The following MRTFB variants were observed in gnomAD, a reference collection of about 807,000 sequenced individuals.
MRTFB encodes the protein myocardin related transcription factor B.
MRTFB carries 29 observed loss-of-function variants against 104.2 expected under a neutral mutation model. The ratio of observed to expected loss-of-function variants is 0.28; its 90% CI spans 0.21 to 0.38. The LOEUF (loss-of-function observed/expected upper bound fraction) is 0.38. Ranked by LOEUF, MRTFB falls within the 10% of genes least tolerant of loss-of-function variation. MRTFB has a pLI of 1.00. For missense variants in MRTFB, 1,270 were observed against 1,341.6 expected (o/e 0.95, Z 0.83); for synonymous variants, 535 against 519.5 (o/e 1.03, Z -0.41).
chr16:14,130,268 G>T lies in MRTFB; in HGVS notation c.-63-10276G>T, dbSNP rs117417765. Among the ~76,000 whole-genome samples, 1,143 of 152,238 alleles carry T rather than the reference G, an allele frequency of 7.5e-3. 8 individuals carry two copies. The highest frequency in any genetic ancestry group is 0.012 in the Non-Finnish European group (816 of 68,000). ...CAGAATCCTTTGTTCTTACTAAGGG[G>T]TCAGTAGTTTTGTCTAAAATAAACA... is the stretch of plus-strand genomic sequence containing the variant. On this transcript the variant is annotated intron_variant, in intron 2 of 16. Coordinates refer to ENST00000571589, the MANE Select transcript of MRTFB (RefSeq NM_001308142.2).
At chr16:14,188,696 A>G (rs928764150) in intron 3 of MRTFB, among the ~76,000 whole-genome samples, 17 of 152,318 alleles carry the variant, frequency 1.1e-4, no homozygotes, top group African/African-American at 4.1e-4. Context: ...GATCCTGGAC[A>G]AGCTTACTCC....
At chr16:14,118,613 G>C (rs2036669373) in intron 2 of MRTFB, among the ~76,000 whole-genome samples, 2 of 151,548 alleles carry the variant, frequency 1.3e-5, no homozygotes, top group Non-Finnish European at 2.9e-5. Flanking sequence ...ACCGGTCTGG[G>C]CAACATGGCC....
chr16:14,118,762 T>C (rs1387660531), intron 2 of MRTFB, among the ~76,000 whole-genome samples: 1 of 151,850 alleles, frequency 6.6e-6, no homozygotes, highest in East Asian at 1.9e-4. Context: ...CACACACATA[T>C]ATATATAAAC....
At position 14,159,802 on chromosome 16, in the gene MRTFB, C is replaced by T. The variant is rs372695133; in HGVS notation, c.154+19042C>T. ...AAAATTAGCCGGGCGTAGTGGCGGGCGCCTGTAGTCCCAGCTACTCGGGAG... is the reference window on the plus strand; with the variant it reads ...AAAATTAGCCGGGCGTAGTGGCGGGTGCCTGTAGTCCCAGCTACTCGGGAG... On this transcript the variant is annotated intron_variant, in intron 3 of 16. Coordinates refer to ENST00000571589, the MANE Select transcript of MRTFB (RefSeq NM_001308142.2). Among the ~76,000 whole-genome samples, 255 of 149,498 alleles carry T rather than the reference C, an allele frequency of 1.7e-3. 1 individual carries two copies. In the East Asian group the frequency reaches 0.039, roughly 23 times the overall value.
chr16:14,193,955 A>G (rs2040313093), intron 3 of MRTFB, among the ~76,000 whole-genome samples: 1 of 152,192 alleles, frequency 6.6e-6, no homozygotes, highest in South Asian at 2.1e-4. Flanking sequence ...TCAGAGTATT[A>G]AATGCATTTT....
chr16:14,048,533 G>A, the MRTFB span, among the ~76,000 whole-genome samples: 17 of 152,256 alleles, frequency 1.1e-4, 1 homozygote, highest in African/African-American at 3.6e-4. Flanking sequence ...TGGGCAGTGA[G>A]GCAAATCCAG....
upstream of MRTFB, among the ~76,000 whole-genome samples, chr16:14,070,905 A>C (rs2033640816): frequency 6.6e-6 from 1 of 152,202 alleles, no homozygotes; most frequent in Non-Finnish European, 1.5e-5. Flanking sequence ...TCTCTCTAGA[A>C]TGGGGAGGCT....
chr16:14,192,255 G>C (rs2040220716), intron 3 of MRTFB, among the ~76,000 whole-genome samples: 2 of 151,894 alleles, frequency 1.3e-5, no homozygotes, highest in African/African-American at 4.8e-5. Context: ...AAGCCTGTAG[G>C]CTTACCTACT....
intron 2 of MRTFB, among the ~76,000 whole-genome samples, chr16:14,111,593 A>C (rs1484878623): frequency 6.6e-6 from 1 of 152,208 alleles, no homozygotes; most frequent in Non-Finnish European, 1.5e-5. Flanking sequence ...TGCATGGGCA[A>C]ACTGAGAGTT....
chr16:14,211,382 G>A (rs1016505168), intron 4 of MRTFB, among the ~76,000 whole-genome samples: 3 of 152,120 alleles, frequency 2.0e-5, no homozygotes, highest in African/African-American at 4.8e-5. Flanking sequence ...CTGGTCCTCA[G>A]CCAAACCTGA....
intron 3 of MRTFB, among the ~76,000 whole-genome samples, chr16:14,207,769 C>A (rs1284665736): frequency 6.6e-6 from 1 of 152,156 alleles, no homozygotes; most frequent in African/African-American, 2.4e-5. Flanking sequence ...GAATAAACTA[C>A]TAATAATAGG....
intron 2 of MRTFB, among the ~76,000 whole-genome samples, chr16:14,110,589 A>G (rs2036220312): frequency 6.6e-6 from 1 of 152,132 alleles, no homozygotes; most frequent in African/African-American, 2.4e-5. Context: ...CTACCAGTAC[A>G]GTGCCATGCC....
At chr16:14,230,706 C>A (rs1472772324) in intron 8 of MRTFB, among the ~76,000 whole-genome samples, 1 of 152,176 alleles carries the variant, frequency 6.6e-6, no homozygotes, top group Admixed American at 6.5e-5. Context: ...TAGTTCAACC[C>A]TTGTGGAAGT....
intron 2 of MRTFB, among the ~76,000 whole-genome samples, chr16:14,083,288 A>T (rs1042196790): frequency 1.3e-5 from 2 of 152,176 alleles, no homozygotes; most frequent in Non-Finnish European, 2.9e-5. Context: ...ATATAAGGTC[A>T]TGCCATCTGC....
intron 2 of MRTFB, among the ~76,000 whole-genome samples, chr16:14,125,991 C>T (rs1453135859): frequency 1.3e-5 from 2 of 152,162 alleles, no homozygotes; most frequent in East Asian, 1.9e-4. Flanking sequence ...ACTCAAACTT[C>T]TTAACTTCTC....
At chr16:14,003,331 C>A in the MRTFB span, among the ~76,000 whole-genome samples, 3 of 152,314 alleles carry the variant, frequency 2.0e-5, no homozygotes, top group East Asian at 5.8e-4. Context: ...TCTAAATTTT[C>A]TTCCGCGGTT....
chr16:14,020,144 T>C, the MRTFB span, among the ~76,000 whole-genome samples: 1 of 152,120 alleles, frequency 6.6e-6, no homozygotes, highest in African/African-American at 2.4e-5. Flanking sequence ...CCCCCTCCAC[T>C]GTCCCATGAC....
At chr16:14,054,138 G>A in the MRTFB span, among the ~76,000 whole-genome samples, 8,491 of 152,190 alleles carry the variant, frequency 0.056, 725 homozygotes, top group African/African-American at 0.19. Flanking sequence ...GGCTTTGCGC[G>A]TGCTGTTCCC....
At chr16:14,258,019 G>C (rs973819258) in intron 15 of MRTFB, 82 bp from the exon 16 acceptor site, 5 of 1,184,774 alleles carry the variant, frequency 4.2e-6, no homozygotes, top group East Asian at 2.4e-5. Flanking sequence ...AAATCATCTA[G>C]AAAGTCCCTT....
Sources: gnomAD v4.1 joint callset for allele counts (sites outside exome capture counted in the v4.1 genomes callset) on GRCh38, gnomAD v4.1.1 for gene constraint, MANE v1.5 for transcripts, NCBI Gene and HGNC (gene_info 2026-07-23, HGNC 2026-07-21) for gene names.